CIT: variants seen among roughly 807,000 people sequenced by gnomAD.
The protein encoded by CIT is citron rho-interacting serine/threonine kinase, also known as citron Rho-interacting kinase.
Under a neutral mutation model 272.7 loss-of-function variants are expected in CIT, and 79 were observed. The observed-to-expected ratio is 0.29, with a 90% CI of 0.24 to 0.35. CIT has a LOEUF of 0.35. Among genes scored for constraint, CIT ranks in the 10% least tolerant of loss-of-function variants. The pLI is 1.00. For missense variants in CIT, 1,909 were observed against 2,618.3 expected (o/e 0.73, Z 5.91); for synonymous variants, 948 against 995.6 (o/e 0.95, Z 0.90).
In CIT at chr12:119,857,714, G is replaced by A. The variant is rs760278437; in HGVS notation, c.239-16C>T. ...GTGTCGGAATCTGCAAAAGATGCAA[G>A]AGTTAGCCCCAGGTAAATAAAGCAT... is the stretch of plus-strand genomic sequence containing the variant. On this transcript the variant is annotated splice_polypyrimidine_tract_variant and intron_variant, in intron 3 of 47. Coordinates refer to ENST00000392521, the MANE Select transcript of CIT (RefSeq NM_001206999.2). 1.2e-6 allele frequency: 2 copies of A among 1,602,042 alleles called. No homozygotes were observed. The highest frequency in any genetic ancestry group is 1.1e-5 in the South Asian group (1 of 89,296).
In CIT at chr12:119,712,899, G is replaced by A. The variant is rs1245414058; in HGVS notation, c.4580-204C>T. On this transcript the variant is annotated intron_variant, in intron 35 of 47. Transcript: ENST00000392521. The surrounding 1 kb of genome is among the most constrained non-coding windows in gnomAD (Gnocchi z 5.2). ...AAAAATAAAGTGTGTCAGATGAGTA[G>A]CACAGTCAAATTTCTGATGACGATG... The A allele has an allele frequency of 5.1e-6, 3 of 584,256 alleles. No individual in the cohort carries two copies. The highest frequency in any genetic ancestry group is 6.1e-6 in the Non-Finnish European group (2 of 329,774). 36.2% of individuals were successfully genotyped at this position (584,256 alleles called of 1,614,324 possible). A position where few individuals can be genotyped will look rare whatever the true frequency, so the allele number is the denominator to read the frequency against.
intron 47 of CIT, 107 bp from the exon 48 acceptor site, chr12:119,688,362 G>T: frequency 8.9e-7 from 1 of 1,123,606 alleles, no homozygotes; most frequent in Non-Finnish European, 1.4e-6. Context: ...ATCCCCTTCA[G>T]CAGCTAGCAG....
rs1232578524 is a variant in CIT, at chr12:119,850,233, T to A, written c.457A>T (p.Thr153Ser). ...EEERNILSRS[T>S]SPWIPQLQYA... ...TGTAATTGGGGGATCCACGGGCTTG[T>A]GCTTCGAGATAATATGTTCCGCTCT... Residue 153 changes from threonine (T) to serine (S), a missense_variant, in exon 5 of 48, where the codon ACA (threonine) becomes TCA (serine). Around this residue, in one of 8 missense-constraint regions of CIT, gnomAD observed 529 missense variants for 549.6 expected, o/e 0.96. Coordinates refer to ENST00000392521, the MANE Select transcript of CIT (RefSeq NM_001206999.2). 6.2e-7 allele frequency: 1 copy of A among 1,613,642 alleles called. No individual in the cohort carries two copies. Among genetic ancestry groups the A allele is most frequent in the East Asian group, 2.2e-5 (1 of 44,860 alleles).
chr12:119,734,639 CTA>C (rs1958655655), intron 25 of CIT, among the ~76,000 whole-genome samples: 1 of 151,808 alleles, frequency 6.6e-6, no homozygotes. Context: ...TTGTTTTTAT[CTA>C]TCTTTATTTT....
chr12:119,760,332 A>C (rs1183342671), intron 20 of CIT, among the ~76,000 whole-genome samples: 1 of 152,122 alleles, frequency 6.6e-6, no homozygotes, highest in African/African-American at 2.4e-5. Context: ...ACAGGCAAGT[A>C]AAAAGAAGAG....
intron 24 of CIT, among the ~76,000 whole-genome samples, chr12:119,737,841 C>T (rs1037915847): frequency 6.6e-6 from 1 of 152,116 alleles, no homozygotes; most frequent in Admixed American, 6.6e-5. Flanking sequence ...TCTACCCAAG[C>T]CATAACACAT....
rs561983448 is a variant in CIT at position 119,818,872 on chromosome 12, C to T, written c.1111+3948G>A. On this transcript the variant is annotated intron_variant, in intron 9 of 47. Transcript: ENST00000392521. ...TGGTTCCGTTGACATCACGATGCCT[C>T]GGGGGAAGATATCTTAAAAGATGTT... 1.6e-4 allele frequency among the ~76,000 whole-genome samples: 24 copies of T among 152,178 alleles called. No individual in the cohort carries two copies. In the Middle Eastern group the frequency reaches 0.017, roughly 108 times the overall value.
chr12:119,866,691 G>A (rs1950525046), intron 3 of CIT, among the ~76,000 whole-genome samples: 1 of 152,022 alleles, frequency 6.6e-6, no homozygotes, highest in Admixed American at 6.6e-5. Flanking sequence ...TGGTGGCATG[G>A]GCCTGTAGTA....
chr12:119,787,382 G>A (rs1371939767), intron 10 of CIT, among the ~76,000 whole-genome samples: 1 of 151,734 alleles, frequency 6.6e-6, no homozygotes, highest in African/African-American at 2.4e-5. Flanking sequence ...AGTGAGCTAC[G>A]ATTGTACCAC....
intron 22 of CIT, 28 bp from the exon 23 acceptor site, chr12:119,752,275 A>G: frequency 6.4e-7 from 1 of 1,572,496 alleles, no homozygotes; most frequent in Non-Finnish European, 8.6e-7. Flanking sequence ...AGAGAAAGAG[A>G]GATAAACCCT....
intron 10 of CIT, among the ~76,000 whole-genome samples, chr12:119,800,295 A>G (rs1180346708): frequency 6.6e-6 from 1 of 152,184 alleles, no homozygotes; most frequent in Non-Finnish European, 1.5e-5. Context: ...AAGACAACCA[A>G]ACCTAGTTCT....
At chr12:119,753,078 T>C (rs1020841055) in intron 22 of CIT, among the ~76,000 whole-genome samples, 2 of 151,566 alleles carry the variant, frequency 1.3e-5, no homozygotes, top group Non-Finnish European at 2.9e-5. Context: ...CATCCAAAGG[T>C]ATGGGGGTGA....
chr12:119,838,440 C>T lies in CIT; in HGVS notation c.517-4212G>A, dbSNP rs192186428. Among the ~76,000 whole-genome samples the T allele has an allele frequency of 2.3e-4, 35 of 152,274 alleles. No homozygotes were observed. In the East Asian group the frequency reaches 5.2e-3, roughly 23 times the overall value. Reference sequence around the variant, plus strand: ...GCATATCTCTTTCCCATCCCAACCACTTAGGGAGCTTAAAGGATTCCAGGG... The same window carrying T: ...GCATATCTCTTTCCCATCCCAACCATTTAGGGAGCTTAAAGGATTCCAGGG... On this transcript the variant is annotated intron_variant, in intron 5 of 47. Transcript: ENST00000392521.
chr12:119,786,251 CACTTGCTTATACA>C (rs1375767018), intron 10 of CIT, among the ~76,000 whole-genome samples: 1 of 152,130 alleles, frequency 6.6e-6, no homozygotes, highest in Non-Finnish European at 1.5e-5. Context: ...TGGCTTGATG[CACTTGCTTATACA>C]ACTCTTAGGA....
At chr12:119,753,493 T>C (rs1565991335) in intron 22 of CIT, among the ~76,000 whole-genome samples, 1 of 151,910 alleles carries the variant, frequency 6.6e-6, no homozygotes, top group Admixed American at 6.6e-5. Flanking sequence ...TCCCAGCACT[T>C]TGGGAGGCCG....
At chr12:119,799,041 T>C (rs921933209) in intron 10 of CIT, among the ~76,000 whole-genome samples, 3 of 152,186 alleles carry the variant, frequency 2.0e-5, no homozygotes, top group Admixed American at 2.0e-4. Context: ...AACATCCACC[T>C]TTTACCAACA....
chr12:119,702,341 C>CAAA (rs1234767117), intron 41 of CIT, among the ~76,000 whole-genome samples: 3 of 151,936 alleles, frequency 2.0e-5, no homozygotes, highest in African/African-American at 7.3e-5. Context: ...CCATGCAACC[C>CAAA]AAAACTAAGA....
intron 5 of CIT, 43 bp downstream of exon 5, chr12:119,850,131 A>C (rs375188807): frequency 3.3e-6 from 4 of 1,210,332 alleles, no homozygotes; most frequent in Admixed American, 3.4e-5. Flanking sequence ...TCTGAGTGTC[A>C]GAGTGCTAGG....
rs375557273 is a variant in CIT at position 119,782,501 on chromosome 12, C to G, written c.1665+17G>C. The G allele has an allele frequency of 2.4e-5, 39 of 1,612,802 alleles. No homozygotes were observed. In the African/African-American group the frequency reaches 3.7e-4, roughly 15 times the overall value. On this transcript the variant is annotated intron_variant, in intron 13 of 47. Transcript: ENST00000392521. ...GCAAGCCGAGATGCTGCTGTGCTCC[C>G]AGGCAAGCAGGCCTACCTGCTCTTT...
Sources: allele counts gnomAD v4.1 joint callset (sites outside exome capture counted in the v4.1 genomes callset), GRCh38; gene constraint gnomAD v4.1.1; regional missense constraint gnomAD v4.1.1; non-coding constraint Gnocchi (gnomAD v3.1); transcripts MANE v1.5; gene names NCBI Gene and HGNC (gene_info 2026-07-23, HGNC 2026-07-21).